The following SNTG2 variants were observed in gnomAD, a reference collection of about 807,000 sequenced individuals.
SNTG2 encodes gamma-2-syntrophin.
In SNTG2, 74 loss-of-function variants were observed where a neutral mutation model predicts 70.9. That is an observed-to-expected ratio of 1.04 (90% CI 0.86 to 1.27). SNTG2 has a LOEUF of 1.27. Among genes scored for constraint, SNTG2 ranks in the 50% most tolerant of loss-of-function variants. The probability of loss-of-function intolerance (pLI) is 0.00; values close to 1 mark genes in which losing one functional copy is unlikely to be tolerated. For missense variants in SNTG2, 717 were observed against 690.7 expected, an observed-to-expected ratio of 1.04 and a Z score of -0.43; for synonymous variants, 278 against 273.8, an observed-to-expected ratio of 1.02 and a Z score of -0.15.
intron 6 of SNTG2, among the ~76,000 whole-genome samples, chr2:1,145,140 A>T (rs920004859): frequency 5.3e-5 from 8 of 152,172 alleles, no homozygotes; most frequent in Admixed American, 3.9e-4. Context: ...TTTTTTTTCA[A>T]CAGCAGGAGT....
intron 4 of SNTG2, among the ~76,000 whole-genome samples, chr2:1,125,329 T>C (rs1181190634): frequency 2.0e-5 from 3 of 152,218 alleles, no homozygotes; most frequent in Non-Finnish European, 4.4e-5. Context: ...AGAGATTTTT[T>C]GTCCTTTTTT....
intron 14 of SNTG2, among the ~76,000 whole-genome samples, chr2:1,278,794 G>C (rs937954323): frequency 6.6e-6 from 1 of 152,122 alleles, no homozygotes; most frequent in South Asian, 2.1e-4. Flanking sequence ...TCAGTTACCC[G>C]TGGTCAAACG....
intron 16 of SNTG2, among the ~76,000 whole-genome samples, chr2:1,351,801 C>A (rs374050243): frequency 1.3e-5 from 2 of 152,176 alleles, no homozygotes; most frequent in African/African-American, 4.8e-5. Flanking sequence ...GGAACGCCAA[C>A]CCCCATGGTG....
rs1230515707 is a variant in SNTG2, at chr2:1,226,816, CAATA to C, written c.720-11068_720-11065del. ...TTTTAGACTGTTTTATTTTTATAGA[CAATA>C]AATCTATCTCTGTTTCAAATTGATT... On this transcript the variant is annotated intron_variant, in intron 9 of 16. Coordinates refer to ENST00000308624, the MANE Select transcript of SNTG2 (RefSeq NM_018968.4). Among the ~76,000 whole-genome samples, 21 of 152,036 alleles carry C rather than the reference CAATA, an allele frequency of 1.4e-4. 1 individual carries two copies. In the East Asian group the frequency reaches 3.8e-3, roughly 28 times the overall value.
At chr2:1,313,424 C>T (rs1681108727) in intron 15 of SNTG2, among the ~76,000 whole-genome samples, 1 of 152,206 alleles carries the variant, frequency 6.6e-6, no homozygotes, top group Non-Finnish European at 1.5e-5. Context: ...TGACTGACTG[C>T]CCAACAGCGT....
chr2:980,695 TACACACAC>T (rs10648703), intron 1 of SNTG2, among the ~76,000 whole-genome samples: 3 of 150,016 alleles, frequency 2.0e-5, no homozygotes, highest in African/African-American at 4.9e-5. Flanking sequence ...TAGACACATG[TACACACAC>T]ACACACACAC....
At chr2:1,295,143 G>A (rs9677798) in intron 14 of SNTG2, among the ~76,000 whole-genome samples, 98,503 of 151,922 alleles carry the variant, frequency 0.65, 32,070 homozygotes, top group East Asian at 0.71. Context: ...GTGCCGCAGG[G>A]ACTCTCGTGT....
At chr2:963,382 TA>T (rs1441425636) in intron 1 of SNTG2, among the ~76,000 whole-genome samples, 1 of 152,134 alleles carries the variant, frequency 6.6e-6, no homozygotes, top group Non-Finnish European at 1.5e-5. Flanking sequence ...AACTTTATCA[TA>T]TTTATATGAT....
Position 1,242,285 on chromosome 2 carries a change from C to G in SNTG2, c.888+2509C>G, listed in dbSNP as rs1677103921. ...ATTCATTCTTGATTTTGGTATTTAA[C>G]AAATAATTGTGAGATAATTGTTAAT... On this transcript the variant is annotated intron_variant, in intron 11 of 16. Coordinates refer to ENST00000308624, the MANE Select transcript of SNTG2 (RefSeq NM_018968.4). 5.3e-5 allele frequency among the ~76,000 whole-genome samples: 8 copies of G among 152,038 alleles called. No individual in the cohort carries two copies. In the South Asian group the frequency reaches 1.7e-3, roughly 32 times the overall value.
At chr2:1,318,255 G>A (rs888026886) in intron 16 of SNTG2, among the ~76,000 whole-genome samples, 2 of 152,174 alleles carry the variant, frequency 1.3e-5, no homozygotes, top group Admixed American at 6.5e-5. Context: ...AACACATACG[G>A]TGTGGAAACA....
At chr2:1,222,822 AT>A (rs1675416006) in intron 9 of SNTG2, among the ~76,000 whole-genome samples, 1 of 6,886 alleles carries the variant, frequency 1.5e-4, no homozygotes, top group Non-Finnish European at 3.5e-4. Context: ...GAGGTGCTGG[AT>A]CGCTGTAGAG....
chr2:1,320,227 A>G (rs1194442126), intron 16 of SNTG2, among the ~76,000 whole-genome samples: 1 of 152,050 alleles, frequency 6.6e-6, no homozygotes, highest in Non-Finnish European at 1.5e-5. Flanking sequence ...CCTACCATCC[A>G]TTATTTGCAA....
intron 1 of SNTG2, among the ~76,000 whole-genome samples, chr2:982,107 T>C (rs1661123887): frequency 6.6e-6 from 1 of 152,254 alleles, no homozygotes; most frequent in Non-Finnish European, 1.5e-5. Flanking sequence ...GCTAATCTCT[T>C]TTAACAGCTG....
chr2:1,024,368 A>C (rs1320476071), intron 1 of SNTG2, among the ~76,000 whole-genome samples: 1 of 152,196 alleles, frequency 6.6e-6, no homozygotes, highest in South Asian at 2.1e-4. Context: ...TCTGATAAAA[A>C]CATGAAGACT....
intron 1 of SNTG2, among the ~76,000 whole-genome samples, chr2:988,027 C>T (rs1037794214): frequency 2.0e-5 from 3 of 152,226 alleles, no homozygotes; most frequent in South Asian, 4.1e-4. Flanking sequence ...CGCCACAGCC[C>T]GTCTTCCTCC....
intron 2 of SNTG2, among the ~76,000 whole-genome samples, chr2:1,085,419 G>C (rs2148177887): frequency 6.6e-6 from 1 of 152,300 alleles, no homozygotes; most frequent in East Asian, 1.9e-4. Flanking sequence ...ATGCTCATAG[G>C]TATAGACTTA....
rs148027434 is a variant in SNTG2 at position 1,296,541 on chromosome 2, T to C, written c.1285-11953T>C. On this transcript the variant is annotated intron_variant, in intron 14 of 16. Transcript: ENST00000308624. The stretch of plus-strand genomic sequence containing the variant: ...TAAAACTGAAAAATACAGGGTCTTA[T>C]CAGTCCCCCACAGAGATAGAGGTTG... Among the ~76,000 whole-genome samples the C allele has an allele frequency of 4.5e-3, 685 of 152,342 alleles. 6 individuals are homozygous for C. The highest frequency in any genetic ancestry group is 0.015 in the African/African-American group (643 of 41,590).
At chr2:1,195,721 G>A (rs1167860422) in intron 8 of SNTG2, among the ~76,000 whole-genome samples, 1 of 152,106 alleles carries the variant, frequency 6.6e-6, no homozygotes, top group Admixed American at 6.5e-5. Flanking sequence ...AAGCTCTTTA[G>A]TTTAATCAGA....
rs76708654 is a variant in SNTG2, at chr2:959,053, C to G, written c.72+7985C>G. Reference sequence around the variant, plus strand: ...TTTGTAGCAACAAAATGAAATAGAACAAATTGTAATATATTTTGTAATGTA... The same window carrying G: ...TTTGTAGCAACAAAATGAAATAGAAGAAATTGTAATATATTTTGTAATGTA... On this transcript the variant is annotated intron_variant, in intron 1 of 16. Transcript: ENST00000308624. Among the ~76,000 whole-genome samples the G allele has an allele frequency of 4.2e-3, 633 of 152,160 alleles. 7 individuals are homozygous for G. Among genetic ancestry groups the G allele is most frequent in the African/African-American group, 0.014 (596 of 41,534 alleles).
Sources: allele counts gnomAD v4.1 joint callset (sites outside exome capture counted in the v4.1 genomes callset), GRCh38; gene constraint gnomAD v4.1.1; transcripts MANE v1.5; gene names NCBI Gene and HGNC (gene_info 2026-07-23, HGNC 2026-07-21).